Variants in PPFIA3 observed in about 807,000 individuals in gnomAD.
PPFIA3 encodes the protein PPFI scaffold protein A3.
Under a neutral mutation model 145.8 loss-of-function variants are expected in PPFIA3, and 26 were observed. The ratio of observed to expected loss-of-function variants is 0.18; its 90% CI spans 0.13 to 0.25. The LOEUF is 0.25. PPFIA3 is among the 10% of genes least tolerant of loss of function. The pLI is 1.00. For synonymous variants in PPFIA3, 645 were observed against 661.4 expected (o/e 0.98, Z 0.38); for missense variants, 1,008 against 1,587.8 (o/e 0.63, Z 6.21).
chr19:49,140,246 G>A (rs1317754612), intron 18 of PPFIA3, among the ~76,000 whole-genome samples, 158 bp downstream of exon 18: 4 of 152,142 alleles, frequency 2.6e-5, no homozygotes, highest in Admixed American at 1.3e-4. Context: ...CAAGGTAGGC[G>A]GGAGGAGGAG....
intron 1 of PPFIA3, among the ~76,000 whole-genome samples, chr19:49,122,492 G>A (rs534528549): frequency 2.6e-5 from 4 of 152,228 alleles, no homozygotes; most frequent in South Asian, 2.1e-4. Context: ...TTTGCTAAAT[G>A]TTCATTTCAA....
Position 49,147,415 on chromosome 19 carries a change from G to A in PPFIA3, c.2836-668G>A, listed in dbSNP as rs528992161. Among the ~76,000 whole-genome samples, 422 of 152,288 alleles carry A rather than the reference G, an allele frequency of 2.8e-3. 6 individuals are homozygous for A. The highest frequency in any genetic ancestry group is 0.014 in the South Asian group (67 of 4,818). ...AAATAAACAAATACAGCCAGGCGCG[G>A]TGGCTCATGCCTGTAATCCCAGCAC... On this transcript the variant is annotated intron_variant, in intron 23 of 29. Transcript: ENST00000334186.
chr19:49,147,644 C>T (rs1329472975), intron 23 of PPFIA3, among the ~76,000 whole-genome samples: 1 of 151,498 alleles, frequency 6.6e-6, no homozygotes, highest in Non-Finnish European at 1.5e-5. Context: ...CGAGATCGTG[C>T]CACCGCGCTC....
intron 21 of PPFIA3, among the ~76,000 whole-genome samples, chr19:49,145,405 A>C (rs533825552): frequency 6.6e-6 from 1 of 152,244 alleles, no homozygotes; most frequent in Admixed American, 6.5e-5. Context: ...ACATACTTAA[A>C]ATATGTTCAT....
rs11881247 is a variant in PPFIA3, at chr19:49,149,457, G to T, written c.3355-90G>T. On this transcript the variant is annotated intron_variant, in intron 27 of 29. Coordinates refer to ENST00000334186, the MANE Select transcript of PPFIA3 (RefSeq NM_003660.4). The surrounding 1 kb of genome is among the most constrained non-coding windows in gnomAD (Gnocchi z 5.7). ...AGGAGAGGGGCGGGGTTAAAGGAGAGGTGAGACCCGGAGAGGGGTGGAGTC... is the reference window on the plus strand; with the variant it reads ...AGGAGAGGGGCGGGGTTAAAGGAGATGTGAGACCCGGAGAGGGGTGGAGTC... The T allele has an allele frequency of 1.7e-4, 269 of 1,586,264 alleles. No homozygotes were observed. The highest frequency in any genetic ancestry group is 2.1e-4 in the Non-Finnish European group (245 of 1,158,170).
Position 49,137,094 on chromosome 19 carries a change from G to T in PPFIA3, c.1853+183G>T, listed in dbSNP as rs547696316. 7.7e-6 allele frequency: 4 copies of T among 519,634 alleles called. No homozygotes were observed. The Admixed American group carries it at 1.1e-4, about 14-fold the overall frequency. The allele number at this position is 519,634 out of a possible 1,614,324, so 32.2% of individuals were successfully genotyped here. On this transcript the variant is annotated intron_variant, in intron 15 of 29. Transcript: ENST00000334186. ...TAGGATACACTCAGAAGTCTTCTAT[G>T]TGCTACCTACACATATACCCCCCAG...
At chr19:49,129,903 G>A in intron 5 of PPFIA3, 90 bp from the exon 6 acceptor site, 2 of 1,395,648 alleles carry the variant, frequency 1.4e-6, no homozygotes, top group African/African-American at 2.9e-5. Flanking sequence ...ATATGGGGCC[G>A]CCTATCCCCT....
chr19:49,142,861 G>T lies in PPFIA3; in HGVS notation c.2602G>T (p.Gly868Cys). The change falls in exon 21 of 30, where the codon GGT (glycine) becomes TGT (cysteine). Residue 868 changes from glycine to cysteine, a missense_variant. Gly to Cys is a radical substitution (Grantham distance 159). Coordinates refer to ENST00000334186, the MANE Select transcript of PPFIA3 (RefSeq NM_003660.4). ...CGCCTGCCGGGCCAATGTCAAGAGCGGTGCCATCATGGCCAACCTGTCAGA... is the reference window on the plus strand; with the variant it reads ...CGCCTGCCGGGCCAATGTCAAGAGCTGTGCCATCATGGCCAACCTGTCAGA... Reference protein sequence around the residue: ...VAACRANVKSGAIMANLSDTE... With the variant: ...VAACRANVKSCAIMANLSDTE... The T allele has an allele frequency of 6.2e-7, 1 of 1,613,916 alleles. No homozygotes were observed. The highest frequency in any genetic ancestry group is 8.5e-7 in the Non-Finnish European group (1 of 1,180,012).
intron 17 of PPFIA3, 36 bp from the exon 18 acceptor site, chr19:49,139,925 G>A (rs370305272): frequency 9.9e-6 from 16 of 1,613,782 alleles, no homozygotes; most frequent in Admixed American, 6.7e-5. Flanking sequence ...GGGCATCTCA[G>A]CAAGCATATG....
chr19:49,145,201 G>C (rs2041266923), intron 21 of PPFIA3, among the ~76,000 whole-genome samples: 1 of 151,986 alleles, frequency 6.6e-6, no homozygotes, highest in Admixed American at 6.6e-5. Flanking sequence ...CGAAGTGCTA[G>C]ACCACTCTCA....
At position 49,149,965 on chromosome 19, in the gene PPFIA3, A is replaced by T. The variant is rs1162583631; in HGVS notation, c.3527-115A>T. 13 of 1,311,880 alleles carry T rather than the reference A, an allele frequency of 9.9e-6. No homozygotes were observed. The highest frequency in any genetic ancestry group is 2.5e-5 in the East Asian group (1 of 39,790). 81.3% of individuals were successfully genotyped at this position (1,311,880 alleles called of 1,614,324 possible). A position where few individuals can be genotyped will look rare whatever the true frequency, so the allele number is the denominator to read the frequency against. ...GGCTGCGGGGAAGGGAGGGAAACCC[A>T]TGTGGAGCCCGGCGATCGTTGTGAC... On this transcript the variant is annotated intron_variant, in intron 28 of 29. Transcript: ENST00000334186. This position sits in a 1 kb window ranked among gnomAD's most constrained non-coding sequence, Gnocchi z 5.7.
chr19:49,140,238 AG>A, intron 18 of PPFIA3, 150 bp downstream of exon 18: 3 of 1,070,748 alleles, frequency 2.8e-6, no homozygotes, highest in Non-Finnish European at 4.0e-6. Context: ...CAGCTTGCCA[AG>A]GTAGGCGGGA....
chr19:49,143,358 AATT>A (rs2041246561), intron 21 of PPFIA3, among the ~76,000 whole-genome samples: 1 of 151,888 alleles, frequency 6.6e-6, no homozygotes, highest in Non-Finnish European at 1.5e-5. Flanking sequence ...ATTGCCTTCT[AATT>A]ATTTTATCTT....
At chr19:49,139,577 C>CCA in intron 16 of PPFIA3, 91 bp from the exon 17 acceptor site, 1 of 1,379,886 alleles carries the variant, frequency 7.2e-7, no homozygotes, top group Non-Finnish European at 9.7e-7. Context: ...CAGGGTCACC[C>CCA]CACACACACC....
intron 21 of PPFIA3, among the ~76,000 whole-genome samples, chr19:49,145,018 T>A (rs1296584791): frequency 6.6e-6 from 1 of 150,974 alleles, no homozygotes; most frequent in Non-Finnish European, 1.5e-5. Context: ...GCAACCTCCG[T>A]CTCCCTGGTT....
rs761183630 is a variant in PPFIA3 at position 49,133,757 on chromosome 19, T to C, written c.1162-39T>C. On this transcript the variant is annotated intron_variant, in intron 9 of 29. Transcript: ENST00000334186. This position sits in a 1 kb window ranked among gnomAD's most constrained non-coding sequence, Gnocchi z 7.2. Reference sequence around the variant, plus strand: ...GTGGGGCTGGGAGCCTGACTGATCCTGGAAGGGTAAGTCACACGCCATGGG... The same window carrying C: ...GTGGGGCTGGGAGCCTGACTGATCCCGGAAGGGTAAGTCACACGCCATGGG... 56 of 1,601,152 alleles carry C rather than the reference T, an allele frequency of 3.5e-5. No homozygotes were observed. The highest frequency in any genetic ancestry group is 4.5e-5 in the Non-Finnish European group (53 of 1,170,962).
At chr19:49,137,766 C>T (rs1056349708) in intron 15 of PPFIA3, among the ~76,000 whole-genome samples, 3 of 151,888 alleles carry the variant, frequency 2.0e-5, no homozygotes, top group African/African-American at 7.3e-5. Flanking sequence ...GAGCCTTCGG[C>T]AAATATACCA....
At chr19:49,121,168 G>A (rs1415271309) in intron 1 of PPFIA3, among the ~76,000 whole-genome samples, 2 of 152,104 alleles carry the variant, frequency 1.3e-5, no homozygotes, top group African/African-American at 2.4e-5. Flanking sequence ...GCCCCCTGAG[G>A]CTCAGATGAG....
Position 49,140,043 on chromosome 19 carries a change from G to A in PPFIA3, c.2323G>A (p.Glu775Lys). 6.2e-7 allele frequency: 1 copy of A among 1,614,198 alleles called. No individual in the cohort carries two copies. The highest frequency in any genetic ancestry group is 8.5e-7 in the Non-Finnish European group (1 of 1,180,040). Residue 775 changes from glutamate (E) to lysine (K), a missense_variant, in exon 18 of 30, where the codon GAG becomes AAG. Physicochemically the swap from Glu to Lys is moderately conservative, Grantham distance 56. Transcript: ENST00000334186. ...SSIGRLFGKK[E>K]KGRMGPPGRD... is the part of the protein sequence containing the mutation. ...CATAGGCCGTCTCTTTGGCAAGAAA[G>A]AGAAGGGACGAATGGGACCCCCAGG...
Sources: allele counts gnomAD v4.1 joint callset (sites outside exome capture counted in the v4.1 genomes callset), GRCh38; gene constraint gnomAD v4.1.1; non-coding constraint Gnocchi (gnomAD v3.1); transcripts MANE v1.5; gene names NCBI Gene and HGNC (gene_info 2026-07-23, HGNC 2026-07-21).